Variants in ROBO2 observed in about 807,000 individuals in gnomAD.
ROBO2 encodes roundabout guidance receptor 2.
ROBO2 carries 53 observed loss-of-function variants against 160.8 expected under a neutral mutation model. The observed-to-expected ratio is 0.33, with a 90% CI of 0.26 to 0.41. ROBO2 has a LOEUF of 0.41. Ranked by LOEUF, ROBO2 falls within the 10% of genes least tolerant of loss-of-function variation. The pLI, the probability that ROBO2 is intolerant of heterozygous loss-of-function variation, is 1.00. For synonymous variants in ROBO2, 664 were observed against 611.7 expected (o/e 1.09, Z -1.26); for missense variants, 1,577 against 1,722.4 (o/e 0.92, Z 1.49).
chr3:76,396,369 C>A (rs901651947), intron 2 of ROBO2, among the ~76,000 whole-genome samples: 2 of 152,102 alleles, frequency 1.3e-5, no homozygotes, highest in Admixed American at 1.3e-4. Flanking sequence ...CAATATCATA[C>A]TGAATGGGCA....
chr3:77,208,847 G>A (rs1269073285), intron 2 of ROBO2, among the ~76,000 whole-genome samples: 1 of 152,156 alleles, frequency 6.6e-6, no homozygotes, highest in Admixed American at 6.6e-5. Flanking sequence ...AGAAAGGCAT[G>A]TCCAGATGAC....
intron 17 of ROBO2, 61 bp downstream of exon 18, chr3:77,588,994 G>A (rs1583137579): frequency 1.3e-6 from 2 of 1,580,074 alleles, no homozygotes; most frequent in Non-Finnish European, 1.7e-6. Flanking sequence ...GAAATGAATG[G>A]AAGGAACAGA....
chr3:76,149,006 G>A (rs1471683609), intron 2 of ROBO2, among the ~76,000 whole-genome samples: 2 of 152,006 alleles, frequency 1.3e-5, no homozygotes, highest in Admixed American at 6.6e-5. Context: ...AACTCATCCA[G>A]AGCAGAACTC....
At chr3:77,582,400 T>TA (rs1460746950) in intron 16 of ROBO2, among the ~76,000 whole-genome samples, 6 of 152,192 alleles carry the variant, frequency 3.9e-5, no homozygotes, top group Non-Finnish European at 8.8e-5. Flanking sequence ...TGTTTTTTTT[T>TA]AATCCAATCT....
intron 2 of ROBO2, among the ~76,000 whole-genome samples, chr3:77,464,782 CA>C (rs1238577709): frequency 5.9e-5 from 9 of 151,900 alleles, no homozygotes; most frequent in Admixed American, 2.0e-4. Flanking sequence ...ACTTCATATC[CA>C]GCACTTTTAT....
chr3:76,178,847 A>T (rs1461292772), intron 2 of ROBO2, among the ~76,000 whole-genome samples: 1 of 152,108 alleles, frequency 6.6e-6, no homozygotes, highest in Non-Finnish European at 1.5e-5. Context: ...AGGCTGAAGC[A>T]GGAGAATCGC....
At chr3:76,218,154 G>A (rs138792166) in intron 2 of ROBO2, among the ~76,000 whole-genome samples, 1,826 of 152,212 alleles carry the variant, frequency 0.012, 39 homozygotes, top group African/African-American at 0.041. Context: ...GTACTGATGG[G>A]ACATATCTCA....
intron 2 of ROBO2, among the ~76,000 whole-genome samples, chr3:77,331,006 G>A (rs565412829): frequency 1.4e-4 from 21 of 152,282 alleles, no homozygotes; most frequent in South Asian, 1.0e-3. Flanking sequence ...GTGTCACTCA[G>A]AGTGAAAAAG....
chr3:77,243,164 T>G (rs2089274420), intron 2 of ROBO2, among the ~76,000 whole-genome samples: 1 of 152,134 alleles, frequency 6.6e-6, no homozygotes, highest in South Asian at 2.1e-4. Flanking sequence ...TGTGTTAACT[T>G]TAATTTCCCA....
At chr3:77,421,180 T>G (rs1051848085) in intron 2 of ROBO2, among the ~76,000 whole-genome samples, 1 of 152,174 alleles carries the variant, frequency 6.6e-6, no homozygotes, top group Non-Finnish European at 1.5e-5. Flanking sequence ...GTAGAATTAT[T>G]TTATACATTA....
At chr3:76,216,901 T>C (rs1012338622) in intron 2 of ROBO2, among the ~76,000 whole-genome samples, 34 of 152,098 alleles carry the variant, frequency 2.2e-4, no homozygotes, top group Non-Finnish European at 3.7e-4. Context: ...ACTGACCACA[T>C]AGTTGGAAGT....
intron 1 of ROBO2, among the ~76,000 whole-genome samples, chr3:75,937,261 T>A (rs1947824729): frequency 6.6e-6 from 1 of 152,120 alleles, no homozygotes; most frequent in Non-Finnish European, 1.5e-5. Context: ...AAAATGTGAT[T>A]CAGATGAATG....
chr3:76,992,376 G>A (rs1197818041), intron 2 of ROBO2, among the ~76,000 whole-genome samples: 1 of 92,538 alleles, frequency 1.1e-5, no homozygotes, highest in Admixed American at 1.1e-4. Flanking sequence ...TATAAATTTA[G>A]CTTTTGTAAA....
At chr3:76,649,533 A>T (rs899360526) in intron 2 of ROBO2, among the ~76,000 whole-genome samples, 2 of 152,116 alleles carry the variant, frequency 1.3e-5, no homozygotes, top group African/African-American at 4.8e-5. Flanking sequence ...AAACTCACTC[A>T]ATCTTTTCTA....
At chr3:76,995,592 C>T (rs1390253998) in intron 2 of ROBO2, among the ~76,000 whole-genome samples, 1 of 152,146 alleles carries the variant, frequency 6.6e-6, no homozygotes, top group Admixed American at 6.5e-5. Context: ...TCCTATTTCT[C>T]CACATCCTCT....
chr3:77,276,928 A>T (rs992770485), intron 2 of ROBO2, among the ~76,000 whole-genome samples: 1 of 152,104 alleles, frequency 6.6e-6, no homozygotes, highest in Non-Finnish European at 1.5e-5. Context: ...CGCATTTACT[A>T]CCACCAGAAT....
intron 2 of ROBO2, among the ~76,000 whole-genome samples, chr3:77,271,307 T>C (rs2059476820): frequency 6.6e-6 from 1 of 152,228 alleles, no homozygotes; most frequent in South Asian, 2.1e-4. Context: ...AATTCCTATA[T>C]TTGGAGGCTC....
At chr3:77,631,535 A>T (rs988998836) in intron 23 of ROBO2, 3 of 152,174 alleles carry the variant, frequency 2.0e-5, no homozygotes, top group Non-Finnish European at 4.4e-5. Context: ...GTCATGAATT[A>T]ATGGTATACC....
chr3:77,250,461 G>A (rs188541020), intron 2 of ROBO2, among the ~76,000 whole-genome samples: 86 of 152,172 alleles, frequency 5.7e-4, no homozygotes, highest in African/African-American at 2.1e-3. Flanking sequence ...TCCTGCTGGC[G>A]AGACGTTGTT....
Sources: allele counts gnomAD v4.1 joint callset (sites outside exome capture counted in the v4.1 genomes callset), GRCh38; gene constraint gnomAD v4.1.1; transcripts MANE v1.5; gene names NCBI Gene and HGNC (gene_info 2026-07-23, HGNC 2026-07-21).